Variants in TMEM30A observed in about 807,000 individuals in gnomAD.
The protein encoded by TMEM30A is cell division cycle 50 P4-ATPase accessory subunit A, also known as cell cycle control protein 50A.
Under a neutral mutation model 38.2 loss-of-function variants are expected in TMEM30A, and 24 were observed. The ratio of observed to expected loss-of-function variants is 0.63; its 90% CI spans 0.46 to 0.88. The LOEUF is 0.88. Ranked by LOEUF, TMEM30A falls within the 40% of genes least tolerant of loss-of-function variation. TMEM30A has a pLI of 0.00. For synonymous variants in TMEM30A, 145 were observed against 161.6 expected (o/e 0.90, Z 0.78); for missense variants, 370 against 458.6 (o/e 0.81, Z 1.77).
intron 1 of TMEM30A, among the ~76,000 whole-genome samples, chr6:75,279,441 A>G (rs961175125): frequency 6.6e-6 from 1 of 152,158 alleles, no homozygotes; most frequent in Admixed American, 6.5e-5. Flanking sequence ...ACTAAAGCAC[A>G]TAGTTCCTAT....
At position 75,258,963 on chromosome 6, in the gene TMEM30A, GC is replaced by G; in HGVS notation, c.708del (p.Trp236CysfsTer18). On this transcript the variant is annotated frameshift_variant, in exon 6 of 7. Transcript: ENST00000230461. LOFTEE classifies it high-confidence loss of function. The stretch of plus-strand genomic sequence containing the variant: ...GAATCCAGCATGTAAACTGGTTTAA[GC>G]CAGTTCACAGGCTTTGTTGTACCTT... ...RFKGTTKPVN[W>X]LKPVYMLDSD... The G allele has an allele frequency of 6.2e-7, 1 of 1,613,542 alleles. No homozygotes were observed. Among genetic ancestry groups the G allele is most frequent in the Non-Finnish European group, 8.5e-7 (1 of 1,179,884 alleles).
chr6:75,265,362 A>T lies in TMEM30A; in HGVS notation c.346-24T>A, dbSNP rs757310273. The T allele has an allele frequency of 4.3e-6, 6 of 1,411,602 alleles. No homozygotes were observed. In the African/African-American group the frequency reaches 4.4e-5, roughly 10 times the overall value. 87.4% of individuals were successfully genotyped at this position (1,411,602 alleles called of 1,614,324 possible). On this transcript the variant is annotated intron_variant, in intron 2 of 6. Transcript: ENST00000230461. ...CCCTAGAGAAACAGAGAGGGAAAAA[A>T]TTTTCATATAAAAACTATTCTGTAT...
At chr6:75,270,319 GCTTA>G (rs2149521826) in intron 1 of TMEM30A, among the ~76,000 whole-genome samples, 1 of 152,184 alleles carries the variant, frequency 6.6e-6, no homozygotes, top group East Asian at 1.9e-4. Flanking sequence ...ATTTTTATAT[GCTTA>G]CTTGCCACCT....
intron 3 of TMEM30A, among the ~76,000 whole-genome samples, chr6:75,261,341 C>G (rs1771960378): frequency 6.6e-6 from 1 of 152,116 alleles, no homozygotes; most frequent in South Asian, 2.1e-4. Context: ...TTAACTGGGC[C>G]TCACAAAATA....
At chr6:75,259,523 A>G (rs200462489) in intron 4 of TMEM30A, 33 bp from the exon 5 acceptor site, 253 of 1,554,224 alleles carry the variant, frequency 1.6e-4, no homozygotes, top group Non-Finnish European at 2.1e-4. Flanking sequence ...ATTACTAACT[A>G]TCTCTTGAAA....
intron 2 of TMEM30A, among the ~76,000 whole-genome samples, chr6:75,267,347 T>A (rs1772086714): frequency 1.3e-5 from 2 of 152,162 alleles, no homozygotes; most frequent in African/African-American, 4.8e-5. Context: ...TATATAAAAC[T>A]TGATAAAAAA....
intron 1 of TMEM30A, among the ~76,000 whole-genome samples, chr6:75,277,449 T>C (rs2149524260): frequency 6.6e-6 from 1 of 152,066 alleles, no homozygotes; most frequent in East Asian, 1.9e-4. Flanking sequence ...TATTATGAAA[T>C]ACAATTAAGC....
intron 1 of TMEM30A, among the ~76,000 whole-genome samples, chr6:75,279,432 C>T (rs1454692069): frequency 6.6e-6 from 1 of 152,052 alleles, no homozygotes; most frequent in Non-Finnish European, 1.5e-5. Context: ...AAAGTTCACA[C>T]TAAAGCACAT....
chr6:75,257,917 T>A (rs1286197340), intron 6 of TMEM30A, among the ~76,000 whole-genome samples: 1 of 152,170 alleles, frequency 6.6e-6, no homozygotes, highest in Non-Finnish European at 1.5e-5. Context: ...GTATGTAAAA[T>A]ATAGACTCCA....
intron 1 of TMEM30A, among the ~76,000 whole-genome samples, chr6:75,281,790 G>A (rs1436886073): frequency 6.6e-6 from 1 of 152,094 alleles, no homozygotes; most frequent in East Asian, 1.9e-4. Flanking sequence ...TAAAGTGTGA[G>A]TAACTTACAG....
chr6:75,263,318 C>G (rs1250071426), intron 3 of TMEM30A, among the ~76,000 whole-genome samples: 2 of 152,162 alleles, frequency 1.3e-5, no homozygotes, highest in African/African-American at 4.8e-5. Context: ...CTCAGATCAT[C>G]CTGAGATTTT....
At chr6:75,277,384 G>A (rs1433415415) in intron 1 of TMEM30A, among the ~76,000 whole-genome samples, 1 of 150,036 alleles carries the variant, frequency 6.7e-6, no homozygotes, top group East Asian at 2.0e-4. Flanking sequence ...CATGATGTAT[G>A]TAAAACTCTT....
rs779538039 is a variant in TMEM30A, at chr6:75,284,688, C to A, written c.-50G>T. 5 of 1,587,306 alleles carry A rather than the reference C, an allele frequency of 3.1e-6. No homozygotes were observed. The Admixed American group carries it at 6.7e-5, about 21-fold the overall frequency. On this transcript the variant is annotated 5_prime_UTR_variant, in exon 1 of 7. Transcript: ENST00000230461. ...ATTTGCAGGTGGACCACCCAGGGGG[C>A]CCGCCGGCTGACCCTGACAGGAACC...
At chr6:75,268,439 A>G (rs567318586) in intron 1 of TMEM30A, among the ~76,000 whole-genome samples, 14 of 152,338 alleles carry the variant, frequency 9.2e-5, no homozygotes, top group African/African-American at 3.4e-4. Flanking sequence ...ATTTAGTTCA[A>G]TCAATTAGTC....
intron 1 of TMEM30A, among the ~76,000 whole-genome samples, chr6:75,273,162 T>C (rs1394783909): frequency 2.6e-5 from 4 of 152,196 alleles, no homozygotes; most frequent in Non-Finnish European, 5.9e-5. Context: ...CTTTCTTTCC[T>C]GTCTAAGCTA....
chr6:75,256,756 G>A, intron 6 of TMEM30A: 1 of 486,462 alleles, frequency 2.1e-6, no homozygotes, highest in Non-Finnish European at 4.1e-6. Flanking sequence ...AAAAGGCTCT[G>A]AGCAAAAGAT....
rs1270785803 is a variant in TMEM30A at position 75,264,464 on chromosome 6, C to T, written c.453+767G>A. On this transcript the variant is annotated intron_variant, in intron 3 of 6. Transcript: ENST00000230461. ...CAGTCTGGCCAGCGTGGCGAAACCCCGTCTCTACTAAAAATACAAAAATTA... is the reference window on the plus strand; with the variant it reads ...CAGTCTGGCCAGCGTGGCGAAACCCTGTCTCTACTAAAAATACAAAAATTA... 5.9e-5 allele frequency among the ~76,000 whole-genome samples: 9 copies of T among 151,746 alleles called. No homozygotes were observed. In the South Asian group the frequency reaches 1.2e-3, roughly 21 times the overall value.
intron 1 of TMEM30A, among the ~76,000 whole-genome samples, chr6:75,278,683 T>C (rs1337155601): frequency 1.3e-5 from 2 of 152,218 alleles, no homozygotes; most frequent in African/African-American, 2.4e-5. Flanking sequence ...CTGAAAATCA[T>C]AATTACTCAT....
chr6:75,275,108 A>G (rs1772239394), intron 1 of TMEM30A, among the ~76,000 whole-genome samples: 1 of 151,522 alleles, frequency 6.6e-6, no homozygotes, highest in African/African-American at 2.4e-5. Context: ...CTTTGATTCC[A>G]GGGTACCAGT....
Sources: gnomAD v4.1 joint callset for allele counts (sites outside exome capture counted in the v4.1 genomes callset) on GRCh38, gnomAD v4.1.1 for gene constraint, MANE v1.5 for transcripts, NCBI Gene and HGNC (gene_info 2026-07-23, HGNC 2026-07-21) for gene names.